Variants in HOXA3 observed in about 807,000 individuals in gnomAD.
HOXA3 encodes the protein homeobox protein Hox-A3.
Under a neutral mutation model 30.3 loss-of-function variants are expected in HOXA3, and 8 were observed. The ratio of observed to expected loss-of-function variants is 0.26; its 90% CI spans 0.15 to 0.48. The LOEUF (loss-of-function observed/expected upper bound fraction) is 0.48. Among genes scored for constraint, HOXA3 ranks in the 20% least tolerant of loss-of-function variants. HOXA3 has a pLI of 0.99. For synonymous variants in HOXA3, 323 were observed against 273.1 expected, an observed-to-expected ratio of 1.18 and a Z score of -1.80; for missense variants, 653 against 614.4, an observed-to-expected ratio of 1.06 and a Z score of -0.66.
In HOXA3 at chr7:27,110,320, G is replaced by T. The variant is rs1438047631; in HGVS notation, c.321C>A (p.Pro107=). ...AAPPAPQPPQ[P]APQPPAPTPA... is the part of the protein sequence containing the mutation. The stretch of plus-strand genomic sequence containing the variant: ...GGGTAGGTGCAGGGGGCTGAGGTGC[G>T]GGCTGAGGCGGCTGTGGGGCAGGGG... Residue 107 remains proline, a synonymous_variant, in exon 5 of 6, where the codon CCC becomes CCA. Transcript: ENST00000612286. The T allele has an allele frequency of 6.6e-7, 1 of 1,525,288 alleles. No homozygotes were observed. Among genetic ancestry groups the T allele is most frequent in the Non-Finnish European group, 8.8e-7 (1 of 1,138,552 alleles). 94.5% of individuals were successfully genotyped at this position (1,525,288 alleles called of 1,614,324 possible).
chr7:27,143,871 G>A (rs953938563), intron 1 of HOXA3, among the ~76,000 whole-genome samples: 4 of 152,122 alleles, frequency 2.6e-5, no homozygotes, highest in Admixed American at 1.3e-4. Context: ...GCGCGCCCCG[G>A]GCGCGTGCCC....
chr7:27,137,692 C>A (rs964902469), intron 2 of HOXA3, among the ~76,000 whole-genome samples: 1 of 152,176 alleles, frequency 6.6e-6, no homozygotes, highest in African/African-American at 2.4e-5. Flanking sequence ...TTCCATGTGG[C>A]CATGTGGGTT....
Position 27,108,792 on chromosome 7 carries a change from G to A in HOXA3, c.527-72C>T. 2 of 1,223,100 alleles carry A rather than the reference G, an allele frequency of 1.6e-6. No homozygotes were observed. Among genetic ancestry groups the A allele is most frequent in the Non-Finnish European group, 2.2e-6 (2 of 890,396 alleles). 75.8% of individuals were successfully genotyped at this position (1,223,100 alleles called of 1,614,324 possible). A position where few individuals can be genotyped will look rare whatever the true frequency, so the allele number is the denominator to read the frequency against. On this transcript the variant is annotated intron_variant, in intron 5 of 5. Coordinates refer to ENST00000612286, the MANE Select transcript of HOXA3 (RefSeq NM_153631.3). This position sits in a 1 kb window ranked among gnomAD's most constrained non-coding sequence, Gnocchi z 5.0. ...CCCGCCCAGCCCCTGACCCAGCCCG[G>A]CCCCTCCTTCCACCAGGCCCCAAAG...
chr7:27,151,422 T>C, intron 1 of HOXA3: 2 of 343,344 alleles, frequency 5.8e-6, no homozygotes, highest in Admixed American at 7.7e-5. Context: ...CAAGGTGGAT[T>C]GGGGGGTCCC....
At chr7:27,147,383 G>T in intron 1 of HOXA3, 1 of 1,614,186 alleles carries the variant, frequency 6.2e-7, no homozygotes, top group Non-Finnish European at 8.5e-7. Flanking sequence ...TCGTCATGGA[G>T]TGCTTTGCCC....
chr7:27,140,855 C>G (rs941508955), intron 1 of HOXA3, among the ~76,000 whole-genome samples: 4 of 152,102 alleles, frequency 2.6e-5, no homozygotes. Flanking sequence ...TTTGGAACAG[C>G]CTACAGCTTT....
chr7:27,130,595 C>A, intron 2 of HOXA3: 2 of 1,528,918 alleles, frequency 1.3e-6, no homozygotes, highest in Middle Eastern at 1.9e-4. Context: ...GTCGGGGGCG[C>A]TGGGGGCTGC....
intron 1 of HOXA3, chr7:27,147,439 T>C: frequency 6.2e-7 from 1 of 1,614,172 alleles, no homozygotes; most frequent in Non-Finnish European, 8.5e-7. Flanking sequence ...GGGAGAAAAG[T>C]GCAGGTAGTC....
intron 1 of HOXA3, among the ~76,000 whole-genome samples, chr7:27,144,415 G>A (rs1388522908): frequency 6.6e-6 from 1 of 152,344 alleles, no homozygotes; most frequent in East Asian, 1.9e-4. Flanking sequence ...CCAAGGCGAG[G>A]TCAAATTCCA....
intron 2 of HOXA3, among the ~76,000 whole-genome samples, chr7:27,136,917 T>C (rs1033853997): frequency 1.3e-5 from 2 of 152,106 alleles, no homozygotes; most frequent in African/African-American, 4.8e-5. Context: ...CCCTCAGCCC[T>C]GCCTGGGAGC....
intron 3 of HOXA3, among the ~76,000 whole-genome samples, chr7:27,125,907 TCCACC>T (rs1256425751): frequency 6.6e-6 from 1 of 152,194 alleles, no homozygotes; most frequent in Admixed American, 6.5e-5. Flanking sequence ...GATGGTGATA[TCCACC>T]CCACCCCACC....
At chr7:27,114,543 C>T (rs1277547624) in intron 4 of HOXA3, among the ~76,000 whole-genome samples, 1 of 151,586 alleles carries the variant, frequency 6.6e-6, no homozygotes, top group Non-Finnish European at 1.5e-5. Flanking sequence ...CTGCTGACAT[C>T]CTAGCAGCCA....
intron 2 of HOXA3, chr7:27,129,532 C>T (rs1785428805): frequency 6.2e-7 from 1 of 1,613,924 alleles, no homozygotes. Context: ...GTAGGCGGTT[C>T]GAGAGCGCTT....
intron 2 of HOXA3, among the ~76,000 whole-genome samples, chr7:27,139,314 G>C (rs1360177676): frequency 6.6e-6 from 1 of 152,116 alleles, no homozygotes; most frequent in African/African-American, 2.4e-5. Flanking sequence ...TCCCGGGTGC[G>C]GGGGAGGGGG....
Position 27,110,661 on chromosome 7 carries a change from A to T in HOXA3, c.-21T>A. The stretch of plus-strand genomic sequence containing the variant: ...TGCATCGCGTTGTTTCACGATCTTG[A>T]TCGCACACTCTGACAGGGGTTTGAC... On this transcript the variant is annotated 5_prime_UTR_variant, in exon 5 of 6. Transcript: ENST00000612286. 1 of 1,596,654 alleles carries T rather than the reference A, an allele frequency of 6.3e-7. No individual in the cohort carries two copies. The highest frequency in any genetic ancestry group is 8.6e-7 in the Non-Finnish European group (1 of 1,166,268).
rs1293268418 is a variant in HOXA3 at position 27,127,067 on chromosome 7, A to G, written c.-386T>C. ...CTTTTCCCAGAGAATGCCTTTCAGA[A>G]TTGCTGTTGAATTACAAAGAAGTAT... On this transcript the variant is annotated 5_prime_UTR_variant, in exon 3 of 6. Transcript: ENST00000612286. 2 of 152,150 alleles carry G rather than the reference A, an allele frequency of 1.3e-5. No individual in the cohort carries two copies. Among genetic ancestry groups the G allele is most frequent in the Non-Finnish European group, 2.9e-5 (2 of 68,028 alleles). 9.4% of individuals were successfully genotyped at this position (152,150 alleles called of 1,614,324 possible).
intron 3 of HOXA3, among the ~76,000 whole-genome samples, chr7:27,125,076 T>TC (rs1390542047): frequency 3.9e-5 from 6 of 152,210 alleles, no homozygotes; most frequent in African/African-American, 1.4e-4. Flanking sequence ...TCTCTGGCTG[T>TC]ACACACCTGT....
intron 1 of HOXA3, 107 bp downstream of exon 1, chr7:27,152,181 G>T (rs1782995512): frequency 4.1e-6 from 2 of 488,762 alleles, no homozygotes; most frequent in East Asian, 8.0e-5. Flanking sequence ...TATGGGTAAG[G>T]GGGAGTATGC....
At chr7:27,124,632 G>C (rs1360502896) in intron 3 of HOXA3, 1 of 152,146 alleles carries the variant, frequency 6.6e-6, no homozygotes, top group Non-Finnish European at 1.5e-5. Context: ...TCTCACTTCT[G>C]AGAGATTCAT....
Sources: gnomAD v4.1 joint callset for allele counts (sites outside exome capture counted in the v4.1 genomes callset) on GRCh38, gnomAD v4.1.1 for gene constraint, Gnocchi (gnomAD v3.1) non-coding constraint, MANE v1.5 for transcripts, NCBI Gene and HGNC (gene_info 2026-07-23, HGNC 2026-07-21) for gene names.